RNF121: variants seen among roughly 807,000 people sequenced by gnomAD.
RNF121 encodes E3 ubiquitin ligase RNF121.
RNF121 carries 21 observed loss-of-function variants against 46.5 expected under a neutral mutation model. The observed-to-expected ratio is 0.45, with a 90% CI of 0.32 to 0.65. The LOEUF is 0.65. Ranked by LOEUF, RNF121 falls within the 30% of genes least tolerant of loss-of-function variation. The probability of loss-of-function intolerance (pLI) is 0.04; values close to 1 mark genes in which losing one functional copy is unlikely to be tolerated. For missense variants in RNF121, 346 were observed against 416.0 expected (o/e 0.83, Z 1.46); for synonymous variants, 139 against 144.7 (o/e 0.96, Z 0.28).
intron 3 of RNF121, among the ~76,000 whole-genome samples, chr11:71,974,706 T>C (rs1016404218): frequency 1.3e-5 from 2 of 152,210 alleles, no homozygotes; most frequent in Non-Finnish European, 2.9e-5. Flanking sequence ...GTTTCCTTAT[T>C]TAACGACTTT....
rs1954979006 is a variant in RNF121 at position 71,996,429 on chromosome 11, A to T, written c.*114A>T. The T allele has an allele frequency of 7.7e-7, 1 of 1,301,498 alleles. No individual in the cohort carries two copies. The highest frequency in any genetic ancestry group is 1.5e-5 in the South Asian group (1 of 68,438). 80.6% of individuals were successfully genotyped at this position (1,301,498 alleles called of 1,614,324 possible). On this transcript the variant is annotated 3_prime_UTR_variant, in exon 9 of 9. Transcript: ENST00000361756. ...AAAGACTCAAAGGGGTGCTTGGGCC[A>T]CTCAGGACCCCTCTGGCTGTGTCGG...
intron 3 of RNF121, among the ~76,000 whole-genome samples, chr11:71,977,867 C>T (rs1168376452): frequency 6.6e-6 from 1 of 152,206 alleles, no homozygotes; most frequent in East Asian, 1.9e-4. Flanking sequence ...GGCTTTCATG[C>T]TTTCCACAGC....
At chr11:71,994,308 T>C (rs1954928501) in intron 6 of RNF121, among the ~76,000 whole-genome samples, 1 of 152,212 alleles carries the variant, frequency 6.6e-6, no homozygotes, top group Admixed American at 6.5e-5. Context: ...AATATTTCAC[T>C]GTTTTAAATG....
intron 1 of RNF121, among the ~76,000 whole-genome samples, chr11:71,941,220 T>G (rs1953559492): frequency 6.6e-6 from 1 of 152,186 alleles, no homozygotes; most frequent in Non-Finnish European, 1.5e-5. Flanking sequence ...TGCAGTAGTT[T>G]AGGAGCGAGA....
intron 7 of RNF121, chr11:71,995,230 G>T: frequency 1.7e-6 from 1 of 587,820 alleles, no homozygotes; most frequent in Non-Finnish European, 3.0e-6. Flanking sequence ...TGCCTATGTT[G>T]GGAAAGCCAT....
intron 1 of RNF121, among the ~76,000 whole-genome samples, chr11:71,934,382 G>A (rs962759293): frequency 6.6e-6 from 1 of 152,178 alleles, no homozygotes; most frequent in Non-Finnish European, 1.5e-5. Flanking sequence ...TGGGTGCAGT[G>A]GGCACATCAA....
At chr11:71,933,810 A>G (rs1475002314) in intron 1 of RNF121, among the ~76,000 whole-genome samples, 1 of 152,240 alleles carries the variant, frequency 6.6e-6, no homozygotes, top group Non-Finnish European at 1.5e-5. Context: ...TAGGCACCCA[A>G]TAAGTATTTG....
chr11:71,991,438 C>T (rs1399258886), intron 6 of RNF121, among the ~76,000 whole-genome samples: 14 of 152,116 alleles, frequency 9.2e-5, no homozygotes, highest in Admixed American at 8.5e-4. Context: ...CCCAGATAAA[C>T]TTTACTCTTA....
chr11:71,951,209 C>CAAAA (rs35566006), intron 1 of RNF121, among the ~76,000 whole-genome samples: 8 of 143,210 alleles, frequency 5.6e-5, no homozygotes, highest in African/African-American at 1.6e-4. Context: ...AACTCCGTCT[C>CAAAA]AAAAAAAAAA....
Position 71,996,340 on chromosome 11 carries a change from C to G in RNF121, c.*25C>G. The G allele has an allele frequency of 6.2e-7, 1 of 1,612,316 alleles. No individual in the cohort carries two copies. The highest frequency in any genetic ancestry group is 8.5e-7 in the Non-Finnish European group (1 of 1,179,044). On this transcript the variant is annotated 3_prime_UTR_variant, in exon 9 of 9. Transcript: ENST00000361756. Reference sequence around the variant, plus strand: ...GTGATGAAGAGCATCAGTGGAAAACCCACCCCACACGCCATGGACCTCAGG... The same window carrying G: ...GTGATGAAGAGCATCAGTGGAAAACGCACCCCACACGCCATGGACCTCAGG...
intron 7 of RNF121, 26 bp downstream of exon 7, chr11:71,994,878 A>G: frequency 6.2e-7 from 1 of 1,613,952 alleles, no homozygotes; most frequent in Non-Finnish European, 8.5e-7. Flanking sequence ...CTCCTGGGCC[A>G]CATCTCTCCT....
chr11:71,991,941 C>CA (rs1285241346), intron 6 of RNF121, among the ~76,000 whole-genome samples: 8 of 143,128 alleles, frequency 5.6e-5, no homozygotes, highest in Non-Finnish European at 1.1e-4. Flanking sequence ...CCCATCTCTA[C>CA]AAAAAAATGA....
intron 3 of RNF121, among the ~76,000 whole-genome samples, chr11:71,968,747 C>A (rs770335200): frequency 2.0e-5 from 3 of 152,052 alleles, no homozygotes; most frequent in Non-Finnish European, 4.4e-5. Context: ...ATATTGTTTC[C>A]TTTGTGGAGA....
intron 1 of RNF121, among the ~76,000 whole-genome samples, chr11:71,948,560 A>G (rs1396116125): frequency 7.1e-6 from 1 of 140,786 alleles, no homozygotes; most frequent in Non-Finnish European, 1.5e-5. Context: ...TCAGCTGGCC[A>G]GGAGGTTGTG....
chr11:71,934,014 C>T (rs1328194866), intron 1 of RNF121, among the ~76,000 whole-genome samples: 1 of 152,186 alleles, frequency 6.6e-6, no homozygotes, highest in Non-Finnish European at 1.5e-5. Context: ...CTAATTACTT[C>T]CGGGCTTTGT....
At chr11:71,994,683 C>A (rs1295046531) in intron 6 of RNF121, 36 bp from the exon 7 acceptor site, 1 of 1,612,834 alleles carries the variant, frequency 6.2e-7, no homozygotes, top group Non-Finnish European at 8.5e-7. Flanking sequence ...CTTCTCACAT[C>A]TTTTCCTATC....
At chr11:71,947,119 C>T (rs1481148982) in intron 1 of RNF121, among the ~76,000 whole-genome samples, 1 of 152,046 alleles carries the variant, frequency 6.6e-6, no homozygotes, top group African/African-American at 2.4e-5. Flanking sequence ...CCTGCCTGGC[C>T]TCCCAAAGTG....
intron 2 of RNF121, among the ~76,000 whole-genome samples, chr11:71,958,998 T>C (rs6592448): frequency 0.89 from 135,153 of 152,186 alleles, 60,270 homozygotes; most frequent in Non-Finnish European, 0.94. Context: ...TTAAGTGTGC[T>C]CTACCCTCTT....
chr11:71,931,007 T>C (rs1156746386), intron 1 of RNF121, among the ~76,000 whole-genome samples: 1 of 152,092 alleles, frequency 6.6e-6, no homozygotes, highest in Non-Finnish European at 1.5e-5. Context: ...TGATTTTTTG[T>C]ATTTTTAGTA....
Sources: gnomAD v4.1 joint callset for allele counts (sites outside exome capture counted in the v4.1 genomes callset) on GRCh38, gnomAD v4.1.1 for gene constraint, MANE v1.5 for transcripts, NCBI Gene and HGNC (gene_info 2026-07-23, HGNC 2026-07-21) for gene names.